The following TSPAN18 variants were observed in gnomAD, a reference collection of about 807,000 sequenced individuals.
TSPAN18 encodes tetraspanin 18.
A neutral mutation model predicts 27.3 loss-of-function variants in TSPAN18; 14 were observed. The observed-to-expected ratio is 0.51, with a 90% CI of 0.34 to 0.80. TSPAN18 has a LOEUF of 0.80. Among genes scored for constraint, TSPAN18 ranks in the 30% least tolerant of loss-of-function variants. The pLI is 0.01. For missense variants in TSPAN18, 268 were observed against 323.9 expected (o/e 0.83, Z 1.32); for synonymous variants, 143 against 136.5 (o/e 1.05, Z -0.33).
intron 3 of TSPAN18, among the ~76,000 whole-genome samples, chr11:44,883,449 C>T (rs146360859): frequency 2.0e-5 from 3 of 152,308 alleles, no homozygotes; most frequent in African/African-American, 7.2e-5. Flanking sequence ...GCTTCTTTTC[C>T]GTGTTTCATG....
At chr11:44,915,149 G>A (rs931131283) in intron 5 of TSPAN18, among the ~76,000 whole-genome samples, 1 of 152,192 alleles carries the variant, frequency 6.6e-6, no homozygotes, top group African/African-American at 2.4e-5. Flanking sequence ...CCATTTCTGA[G>A]GCTGCTCCTT....
chr11:44,915,474 C>G (rs761418170), intron 5 of TSPAN18, among the ~76,000 whole-genome samples: 2 of 152,182 alleles, frequency 1.3e-5, no homozygotes, highest in Non-Finnish European at 2.9e-5. Flanking sequence ...CCTCATCATA[C>G]TCTGCACTGG....
At chr11:44,765,363 T>A (rs1855544281) in intron 2 of TSPAN18, among the ~76,000 whole-genome samples, 1 of 152,148 alleles carries the variant, frequency 6.6e-6, no homozygotes, top group East Asian at 1.9e-4. Context: ...TCCGAGGAGA[T>A]CTGATTGCCT....
At chr11:44,833,617 C>T (rs940772730) in intron 2 of TSPAN18, among the ~76,000 whole-genome samples, 1 of 152,080 alleles carries the variant, frequency 6.6e-6, no homozygotes, top group Non-Finnish European at 1.5e-5. Flanking sequence ...TCAAAAAGTC[C>T]ATCTGCGGTG....
At chr11:44,870,750 C>T (rs1296744925) in intron 3 of TSPAN18, among the ~76,000 whole-genome samples, 1 of 152,158 alleles carries the variant, frequency 6.6e-6, no homozygotes, top group African/African-American at 2.4e-5. Context: ...ATTTAAACCC[C>T]ACGTCTTTTT....
intron 2 of TSPAN18, among the ~76,000 whole-genome samples, chr11:44,794,216 C>T (rs953517361): frequency 2.6e-5 from 4 of 152,138 alleles, no homozygotes; most frequent in African/African-American, 9.7e-5. Context: ...AAACTGCAGC[C>T]CTCTAGCCTT....
intron 3 of TSPAN18, among the ~76,000 whole-genome samples, chr11:44,884,795 A>G (rs1164482809): frequency 6.6e-6 from 1 of 152,262 alleles, no homozygotes; most frequent in African/African-American, 2.4e-5. Flanking sequence ...GAAGCTGCAC[A>G]GCCACATGGG....
At chr11:44,926,833 C>T in intron 9 of TSPAN18, 76 bp downstream of exon 9, 1 of 1,516,628 alleles carries the variant, frequency 6.6e-7, no homozygotes, top group South Asian at 1.1e-5. Context: ...CCCCCAGCCT[C>T]CTTTCCTCTT....
At position 44,930,846 on chromosome 11, in the gene TSPAN18, C is replaced by T. The variant is rs75585007; in HGVS notation, c.*1668C>T. On this transcript the variant is annotated 3_prime_UTR_variant, in exon 10 of 10. Coordinates refer to ENST00000520358, the MANE Select transcript of TSPAN18 (RefSeq NM_130783.5). ...TGTGATGTCTGCTCTCTTCTCTCCC[C>T]TCTGTCCCTCTTCAGGAAGAAAGAG... 1.5e-3 allele frequency: 752 copies of T among 506,554 alleles called. 5 individuals carry two copies. The highest frequency in any genetic ancestry group is 0.014 in the African/African-American group (706 of 51,414). The allele number at this position is 506,554 out of a possible 1,614,324, so 31.4% of individuals were successfully genotyped here.
intron 2 of TSPAN18, among the ~76,000 whole-genome samples, chr11:44,793,822 G>A (rs1379018179): frequency 6.6e-6 from 1 of 152,228 alleles, no homozygotes; most frequent in African/African-American, 2.4e-5. Flanking sequence ...CTGCCCATGA[G>A]CTGAGGCCCT....
chr11:44,916,421 G>T (rs1859911183), intron 5 of TSPAN18, among the ~76,000 whole-genome samples: 1 of 152,148 alleles, frequency 6.6e-6, no homozygotes, highest in Non-Finnish European at 1.5e-5. Context: ...CCAGGAGCCG[G>T]GCCTCGGAGG....
At chr11:44,731,598 G>T (rs908734938) in intron 1 of TSPAN18, among the ~76,000 whole-genome samples, 12 of 60,938 alleles carry the variant, frequency 2.0e-4, no homozygotes, top group African/African-American at 5.1e-4. Flanking sequence ...GGCCTGGATT[G>T]TGTGTGTGTG....
intron 1 of TSPAN18, among the ~76,000 whole-genome samples, chr11:44,734,718 A>T (rs569942801): frequency 7.2e-5 from 11 of 152,338 alleles, no homozygotes; most frequent in Middle Eastern, 3.4e-3. Flanking sequence ...ATTTAGGCCC[A>T]TCTTTTCATG....
chr11:44,885,058 A>G lies in TSPAN18; in HGVS notation c.-10-21349A>G, dbSNP rs184974161. Among the ~76,000 whole-genome samples, 6 of 152,330 alleles carry G rather than the reference A, an allele frequency of 3.9e-5. No homozygotes were observed. In the East Asian group the frequency reaches 9.6e-4, roughly 24 times the overall value. The stretch of plus-strand genomic sequence containing the variant: ...CGTGCTCTCTATGGCTGTTTTCTCA[A>G]CCCAAAGGAGATCTGGGTAGCTGTG... On this transcript the variant is annotated intron_variant, in intron 3 of 9. Coordinates refer to ENST00000520358, the MANE Select transcript of TSPAN18 (RefSeq NM_130783.5).
Position 44,926,709 on chromosome 11 carries a change from C to T in TSPAN18, c.651C>T (p.Thr217=). 1.2e-6 allele frequency: 2 copies of T among 1,614,190 alleles called. No individual in the cohort carries two copies. The highest frequency in any genetic ancestry group is 1.7e-6 in the Non-Finnish European group (2 of 1,180,012). Residue 217 remains threonine, a synonymous_variant, in exon 9 of 10, where the codon ACC becomes ACT. Transcript: ENST00000520358. ...CGGTGATCCTCAACACCTTCGAGAC[C>T]TACGTCTACTTGGCCGGAGCCCTTG... ...CYTVILNTFE[T]YVYLAGALAI... is the part of the protein sequence containing the mutation.
chr11:44,908,625 C>G (rs1219989377), intron 4 of TSPAN18, among the ~76,000 whole-genome samples: 1 of 47,818 alleles, frequency 2.1e-5, no homozygotes, highest in East Asian at 4.9e-4. Context: ...GTCCCAGTTA[C>G]TTGGGAGGCT....
intron 3 of TSPAN18, among the ~76,000 whole-genome samples, chr11:44,869,833 A>G (rs1362187424): frequency 1.3e-5 from 2 of 152,098 alleles, no homozygotes; most frequent in African/African-American, 4.8e-5. Context: ...CAGGCTTTGT[A>G]TCAGGGTTTT....
rs750647455 is a variant in TSPAN18, at chr11:44,897,485, A to G, written c.-10-8922A>G. Among the ~76,000 whole-genome samples the G allele has an allele frequency of 1.5e-4, 23 of 152,194 alleles. 1 individual carries two copies. Among genetic ancestry groups the G allele is most frequent in the Non-Finnish European group, 2.8e-4 (19 of 68,024 alleles). Reference sequence around the variant, plus strand: ...TGTCAGCATACATGAAGCCCATGCTAGAATCTGCAAGTCTATTAAAGATGT... The same window carrying G: ...TGTCAGCATACATGAAGCCCATGCTGGAATCTGCAAGTCTATTAAAGATGT... On this transcript the variant is annotated intron_variant, in intron 3 of 9. Coordinates refer to ENST00000520358, the MANE Select transcript of TSPAN18 (RefSeq NM_130783.5).
At chr11:44,810,819 G>T (rs1201177930) in intron 2 of TSPAN18, among the ~76,000 whole-genome samples, 6 of 151,918 alleles carry the variant, frequency 3.9e-5, no homozygotes. Context: ...ATGTTGCCCA[G>T]GCTAGTCTCG....
Sources: gnomAD v4.1 joint callset for allele counts (sites outside exome capture counted in the v4.1 genomes callset) on GRCh38, gnomAD v4.1.1 for gene constraint, MANE v1.5 for transcripts, NCBI Gene and HGNC (gene_info 2026-07-23, HGNC 2026-07-21) for gene names.